Variants in NAALADL2 observed in about 807,000 individuals in gnomAD.
NAALADL2 encodes the protein inactive N-acetylated-alpha-linked acidic dipeptidase-like protein 2.
NAALADL2 carries 76 observed loss-of-function variants against 87.2 expected under a neutral mutation model. The ratio of observed to expected loss-of-function variants is 0.87; its 90% confidence interval spans 0.72 to 1.05. The LOEUF (loss-of-function observed/expected upper bound fraction) is 1.05, where lower values mean the gene tolerates loss of function less well. NAALADL2 is among the 50% of genes least tolerant of loss of function. NAALADL2 has a pLI of 0.00. For missense variants in NAALADL2, 1,089 were observed against 945.8 expected (o/e 1.15, Z -1.99); for synonymous variants, 354 against 331.0 (o/e 1.07, Z -0.75).
Position 175,806,329 on chromosome 3 carries a change from G to A in NAALADL2, c.*3126G>A, listed in dbSNP as rs1475923434. The A allele has an allele frequency of 6.6e-6, 1 of 151,832 alleles. No individual in the cohort carries two copies. Among genetic ancestry groups the A allele is most frequent in the Non-Finnish European group, 1.5e-5 (1 of 67,866 alleles). The allele number at this position is 151,832 out of a possible 1,614,324, so 9.4% of individuals were successfully genotyped here. On this transcript the variant is annotated 3_prime_UTR_variant, in exon 14 of 14. Transcript: ENST00000454872. Reference sequence around the variant, plus strand: ...TTGAGCAAAATATATCTGTAAGAGGGCAAGTCAGGCCAGTGTTAAGTCAAC... The same window carrying A: ...TTGAGCAAAATATATCTGTAAGAGGACAAGTCAGGCCAGTGTTAAGTCAAC...
chr3:175,214,151 T>C (rs574270949), intron 2 of NAALADL2, among the ~76,000 whole-genome samples: 2 of 152,178 alleles, frequency 1.3e-5, no homozygotes, highest in Non-Finnish European at 2.9e-5. Context: ...GGCATTGCTT[T>C]TATGTTGATA....
intron 11 of NAALADL2, 151 bp from the exon 12 acceptor site, chr3:175,737,155 T>G (rs535761700): frequency 1.2e-4 from 64 of 542,352 alleles, no homozygotes; most frequent in Non-Finnish European, 1.8e-4. Context: ...AAATAAAGAT[T>G]TAAAAGAAAA....
At chr3:175,001,102 A>G (rs1748165503) in intron 1 of NAALADL2, among the ~76,000 whole-genome samples, 1 of 152,202 alleles carries the variant, frequency 6.6e-6, no homozygotes, top group African/African-American at 2.4e-5. Context: ...AAAATGAGGA[A>G]GGTTCCAGTC....
At chr3:174,698,303 C>T (rs1421815147) in intron 2 of NAALADL2, among the ~76,000 whole-genome samples, 2 of 150,442 alleles carry the variant, frequency 1.3e-5, no homozygotes, top group Non-Finnish European at 2.9e-5. Flanking sequence ...GGTAAACTCT[C>T]ATAGATTTTA....
intron 10 of NAALADL2, among the ~76,000 whole-genome samples, chr3:175,604,491 A>T (rs1040944127): frequency 2.0e-5 from 3 of 151,732 alleles, no homozygotes; most frequent in Non-Finnish European, 4.4e-5. Flanking sequence ...TTTTTAGTAG[A>T]GACGGGGTTT....
intron 2 of NAALADL2, among the ~76,000 whole-genome samples, chr3:174,694,625 TA>T (rs1325312151): frequency 2.0e-5 from 3 of 152,038 alleles, no homozygotes; most frequent in Non-Finnish European, 4.4e-5. Flanking sequence ...GTCATCAAGG[TA>T]ACTTTTGTTT....
chr3:175,552,555 T>A (rs1714595852), intron 9 of NAALADL2, among the ~76,000 whole-genome samples: 1 of 152,196 alleles, frequency 6.6e-6, no homozygotes, highest in Admixed American at 6.5e-5. Context: ...AAAATCTGAA[T>A]GTTTCTTTTT....
chr3:174,589,838 G>A (rs1462718161), intron 2 of NAALADL2, among the ~76,000 whole-genome samples: 1 of 150,846 alleles, frequency 6.6e-6, no homozygotes, highest in African/African-American at 2.4e-5. Flanking sequence ...ATTAGTAATA[G>A]GGTTGTTGTT....
intron 2 of NAALADL2, among the ~76,000 whole-genome samples, chr3:174,567,684 CAT>C (rs1714447862): frequency 1.3e-5 from 2 of 151,548 alleles, no homozygotes; most frequent in Non-Finnish European, 1.5e-5. Flanking sequence ...TCGATATGAT[CAT>C]AGGTCAGTTG....
At chr3:175,047,350 C>T (rs556902466) in intron 1 of NAALADL2, among the ~76,000 whole-genome samples, 70 of 152,174 alleles carry the variant, frequency 4.6e-4, no homozygotes, top group African/African-American at 1.6e-3. Flanking sequence ...AGCAGGGTGG[C>T]AATGGTTTTT....
At position 175,723,878 on chromosome 3, in the gene NAALADL2, G is replaced by C. The variant is rs189431880; in HGVS notation, c.1897-13428G>C. 4.1e-3 allele frequency among the ~76,000 whole-genome samples: 618 copies of C among 152,006 alleles called. 1 individual carries two copies. Among genetic ancestry groups the C allele is most frequent in the Middle Eastern group, 0.02 (6 of 294 alleles). ...TTAATTCTCTCCACCTCTCTAAATTGTATCCTTCCTTTAAGATCCAGCAAA... is the reference window on the plus strand; with the variant it reads ...TTAATTCTCTCCACCTCTCTAAATTCTATCCTTCCTTTAAGATCCAGCAAA... On this transcript the variant is annotated intron_variant, in intron 11 of 13. Transcript: ENST00000454872.
At position 174,787,604 on chromosome 3, in the gene NAALADL2, T is replaced by TATATATATATATATACACACAC. The variant is rs1560225741; in HGVS notation, c.-9+49873_-9+49874insCACACACATATATATATATATA. Among the ~76,000 whole-genome samples the TATATATATATATATACACACAC allele has an allele frequency of 8.0e-5, 7 of 87,938 alleles. 1 individual carries two copies. The highest frequency in any genetic ancestry group is 1.0e-3 in the South Asian group (2 of 1,992). The allele number at this position is 87,938 out of a possible 152,430, so 57.7% of individuals were successfully genotyped here. A position where few individuals can be genotyped will look rare whatever the true frequency, so the allele number is the denominator to read the frequency against. On this transcript the variant is annotated intron_variant, in intron 3 of 3. Coordinates refer to the NAALADL2 transcript ENST00000434257. ...ATATATATATATATATATATATATA[T>TATATATATATATATACACACAC]ATATATATATATATATAGTAGTGAC...
intron 2 of NAALADL2, among the ~76,000 whole-genome samples, chr3:174,709,427 T>A (rs1173448607): frequency 6.6e-6 from 1 of 152,084 alleles, no homozygotes; most frequent in Non-Finnish European, 1.5e-5. Flanking sequence ...TAGTAATGAA[T>A]TTTCTGTAGT....
chr3:174,956,923 C>A (rs913517907), intron 1 of NAALADL2, among the ~76,000 whole-genome samples: 3 of 152,004 alleles, frequency 2.0e-5, no homozygotes, highest in Admixed American at 2.0e-4. Context: ...AGAACTTAAA[C>A]CTTTTTTTCC....
At chr3:175,785,214 T>C (rs1751756165) in intron 13 of NAALADL2, among the ~76,000 whole-genome samples, 1 of 149,474 alleles carries the variant, frequency 6.7e-6, no homozygotes, top group African/African-American at 2.6e-5. Flanking sequence ...TAGATGTCTA[T>C]TAGGTCTGCT....
chr3:175,557,508 AT>A (rs5854640), intron 9 of NAALADL2, among the ~76,000 whole-genome samples: 139,387 of 151,944 alleles, frequency 0.92, 64,043 homozygotes, highest in Admixed American at 0.95. Context: ...CTTTCTAACT[AT>A]TTTTTTTGTA....
intron 1 of NAALADL2, among the ~76,000 whole-genome samples, chr3:174,990,416 G>T (rs567174438): frequency 1.3e-5 from 2 of 152,058 alleles, no homozygotes; most frequent in African/African-American, 2.4e-5. Context: ...CTTGCGTCTC[G>T]TAGGAAATAA....
At chr3:174,638,638 CAATT>C (rs1315030886) in intron 2 of NAALADL2, among the ~76,000 whole-genome samples, 2 of 151,506 alleles carry the variant, frequency 1.3e-5, no homozygotes, top group Non-Finnish European at 2.9e-5. Flanking sequence ...TGAATATAAT[CAATT>C]AAGAAGACTA....
chr3:175,141,293 T>C (rs1445721629), intron 2 of NAALADL2, among the ~76,000 whole-genome samples: 1 of 152,108 alleles, frequency 6.6e-6, no homozygotes, highest in Non-Finnish European at 1.5e-5. Context: ...CCTTTTTTTT[T>C]CAGCAGTTCC....
Sources: allele counts gnomAD v4.1 joint callset (sites outside exome capture counted in the v4.1 genomes callset), GRCh38; gene constraint gnomAD v4.1.1; transcripts MANE v1.5; gene names NCBI Gene and HGNC (gene_info 2026-07-23, HGNC 2026-07-21).